The following GYG2 variants were observed in gnomAD, a reference collection of about 807,000 sequenced individuals.
The protein encoded by GYG2 is glycogenin 2, also known as glycogenin-2.
Under a neutral mutation model 29.4 loss-of-function variants are expected in GYG2, and 29 were observed. The ratio of observed to expected loss-of-function variants is 0.99; its 90% confidence interval spans 0.74 to 1.35. The LOEUF is 1.35. Ranked by LOEUF, GYG2 falls within the 40% of genes most tolerant of loss-of-function variation. The pLI, the probability that GYG2 is intolerant of heterozygous loss-of-function variation, is 0.00. For missense variants in GYG2, 370 were observed against 385.7 expected (o/e 0.96, Z 0.34); for synonymous variants, 167 against 172.3 (o/e 0.97, Z 0.24).
chrX:2,853,874 G>A (rs1603459240), intron 3 of GYG2, 106 bp from the exon 4 acceptor site: 1 of 542,439 alleles, frequency 1.8e-6, no homozygotes. Context: ...GATTCTCTTT[G>A]CATTCCACGT....
chrX:2,860,214 TA>T (rs2088126479), intron 7 of GYG2, 149 bp downstream of exon 7: 3 of 437,838 alleles, frequency 6.9e-6, no homozygotes, highest in Non-Finnish European at 7.8e-6. Flanking sequence ...AAGCACCTGT[TA>T]AAAAAATTTT....
rs778297940 is a variant in GYG2 at position 2,859,989 on chromosome X, C to T, written c.761C>T (p.Thr254Met). ...GCGGCATTCCTTCATCTCTGGTGGA[C>T]GGTCTACCAGAACAACGTGCTGCCC... ...HQAAFLHLWW[T>M]VYQNNVLPLY... The change falls in exon 7 of 11, where the codon ACG becomes ATG. Residue 254 changes from threonine (T) to methionine (M), a missense_variant. Thr to Met is a moderately conservative substitution (Grantham distance 81). Transcript: ENST00000398806. 18 of 1,203,855 alleles carry T rather than the reference C, an allele frequency of 1.5e-5. No individual in the cohort carries two copies. The highest frequency in any genetic ancestry group is 1.8e-5 in the Non-Finnish European group (16 of 891,533).
intron 2 of GYG2, among the ~76,000 whole-genome samples, chrX:2,842,265 G>A (rs146666110): frequency 0.018 from 1,969 of 109,711 alleles, 55 homozygotes; most frequent in African/African-American, 0.061. Context: ...TGTGATCATG[G>A]CTCTTTGCAG....
rs1028130788 is a variant in GYG2 at position 2,861,855 on chromosome X, C to T, written c.1038+133C>T. Reference sequence around the variant, plus strand: ...AGGGCTGGTCTTTGGCTTGCTGTGGCATTCAAGGCTCTGCATTTATTTTTG... The same window carrying T: ...AGGGCTGGTCTTTGGCTTGCTGTGGTATTCAAGGCTCTGCATTTATTTTTG... On this transcript the variant is annotated intron_variant, in intron 8 of 10. Coordinates refer to ENST00000398806, the MANE Select transcript of GYG2 (RefSeq NM_001079855.2). 3.6e-5 allele frequency: 18 copies of T among 496,834 alleles called. No homozygotes were observed. In the South Asian group the frequency reaches 4.1e-4, roughly 11 times the overall value. The allele number at this position is 496,834 out of a possible 1,213,427, so 40.9% of individuals were successfully genotyped here. A position where few individuals can be genotyped will look rare whatever the true frequency, so the allele number is the denominator to read the frequency against.
intron 6 of GYG2, 107 bp downstream of exon 6, chrX:2,856,731 A>G (rs1436522415): frequency 1.9e-6 from 1 of 518,735 alleles, no homozygotes; most frequent in Non-Finnish European, 3.1e-6. Context: ...CTATCTATCT[A>G]TCTATCATCT....
intron 6 of GYG2, among the ~76,000 whole-genome samples, chrX:2,858,188 ACAGTGGCTCACGCCTGT>A (rs1376783687): frequency 8.9e-6 from 1 of 112,129 alleles, no homozygotes; most frequent in African/African-American, 3.2e-5. Context: ...ATGGCCGAGC[ACAGTGGCTCACGCCTGT>A]CATTCCAGCC....
intron 6 of GYG2, among the ~76,000 whole-genome samples, chrX:2,859,331 ATAG>A (rs1178097091): frequency 9.0e-6 from 1 of 110,546 alleles, no homozygotes; most frequent in Non-Finnish European, 1.9e-5. Flanking sequence ...TACTGAATTG[ATAG>A]TAGTAGTATG....
intron 9 of GYG2, among the ~76,000 whole-genome samples, chrX:2,876,719 C>T (rs1249501095): frequency 9.1e-6 from 1 of 109,965 alleles, no homozygotes; most frequent in East Asian, 2.9e-4. Context: ...GAGGCCGAGG[C>T]GGGCGGATCA....
In GYG2 at chrX:2,861,538, T is replaced by C. The variant is rs1569068019; in HGVS notation, c.854T>C (p.Val285Ala). Residue 285 changes from valine (V) to alanine (A), a missense_variant, in exon 8 of 11, where the codon GTG becomes GCG. Coordinates refer to ENST00000398806, the MANE Select transcript of GYG2 (RefSeq NM_001079855.2). ...SPGHTLCHSDVGGPCADSASG... is the reference protein window; with the variant it reads ...SPGHTLCHSDAGGPCADSASG... ...TTTGTGCAGCTTTGCCACAGTGATG[T>C]GGGGGGGCCGTGTGCGGATTCAGCC... is the stretch of plus-strand genomic sequence containing the variant. 2 of 1,204,762 alleles carry C rather than the reference T, an allele frequency of 1.7e-6. No individual in the cohort carries two copies. The highest frequency in any genetic ancestry group is 2.2e-6 in the Non-Finnish European group (2 of 890,587).
In GYG2 at chrX:2,859,835, C is replaced by T. The variant is rs369590367; in HGVS notation, c.615-8C>T. 496 of 1,140,306 alleles carry T rather than the reference C, an allele frequency of 4.3e-4. No homozygotes were observed. The highest frequency in any genetic ancestry group is 5.5e-4 in the Non-Finnish European group (462 of 834,700). 94.0% of individuals were successfully genotyped at this position (1,140,306 alleles called of 1,213,427 possible). On this transcript the variant is annotated splice_polypyrimidine_tract_variant and splice_region_variant and intron_variant, in intron 6 of 10. Transcript: ENST00000398806. ...TGGAAATCAGAATCCCTTCTGTTTC[C>T]TTCTCAGATTCGGTTCCAGTGCAAA...
chrX:2,860,195 C>T (rs2088125850), intron 7 of GYG2, 130 bp downstream of exon 7: 1 of 449,785 alleles, frequency 2.2e-6, no homozygotes, highest in East Asian at 3.8e-5. Context: ...GAAAAGAATA[C>T]TGAGAAGCAA....
intron 7 of GYG2, 141 bp from the exon 8 acceptor site, chrX:2,861,381 A>C: frequency 2.0e-6 from 1 of 494,082 alleles, no homozygotes; most frequent in Non-Finnish European, 3.6e-6. Context: ...CTGAGAAAGA[A>C]AACATTTAGG....
chrX:2,857,939 G>A (rs775880190), intron 6 of GYG2, among the ~76,000 whole-genome samples: 1 of 111,339 alleles, frequency 9.0e-6, no homozygotes, highest in South Asian at 3.8e-4. Context: ...ATGTGATAAG[G>A]TAATACCCTG....
intron 3 of GYG2, among the ~76,000 whole-genome samples, chrX:2,846,049 ATATATATTTTTTTTTTTT>A (rs1160861744): frequency 2.7e-4 from 6 of 21,968 alleles, no homozygotes; most frequent in Non-Finnish European, 4.9e-4. Context: ...ATATATATAT[ATATATATTTTTTTTTTTT>A]TTTTTTTTTT....
At chrX:2,877,568 G>A (rs2088631334) in intron 10 of GYG2, 1 of 925,057 alleles carries the variant, frequency 1.1e-6, no homozygotes, top group Non-Finnish European at 1.3e-6. Flanking sequence ...TCTGCAGAAG[G>A]GATCAGGAGG....
chrX:2,840,688 TATAG>T (rs1262217240), intron 2 of GYG2, among the ~76,000 whole-genome samples: 1 of 111,049 alleles, frequency 9.0e-6, no homozygotes, highest in Non-Finnish European at 1.9e-5. Context: ...AGATGGTAGG[TATAG>T]ATAGATGGAT....
intron 2 of GYG2, among the ~76,000 whole-genome samples, chrX:2,841,181 A>G (rs2087489748): frequency 9.1e-6 from 1 of 109,637 alleles, no homozygotes; most frequent in Non-Finnish European, 1.9e-5. Flanking sequence ...TAGACAATGG[A>G]TGGATGGATA....
chrX:2,830,206 C>T lies in GYG2; in HGVS notation c.7+11C>T, dbSNP rs2087232719. 1 of 1,193,836 alleles carries T rather than the reference C, an allele frequency of 8.4e-7. No homozygotes were observed. Among genetic ancestry groups the T allele is most frequent in the Admixed American group, 2.2e-5 (1 of 45,875 alleles). ...CACTGACCATGTCGGGTGAGTAGCT[C>T]AAGCTGCTTCAGTTCAGCCTGCCTG... On this transcript the variant is annotated intron_variant, in intron 2 of 10. Coordinates refer to ENST00000398806, the MANE Select transcript of GYG2 (RefSeq NM_001079855.2).
At chrX:2,862,657 T>C (rs1021324467) in intron 8 of GYG2, among the ~76,000 whole-genome samples, 5 of 111,492 alleles carry the variant, frequency 4.5e-5, no homozygotes, top group Admixed American at 9.6e-5. Context: ...TTTGTCCCCA[T>C]CGAAGAAAAA....
Sources: gnomAD v4.1 joint callset for allele counts (sites outside exome capture counted in the v4.1 genomes callset) on GRCh38, gnomAD v4.1.1 for gene constraint, MANE v1.5 for transcripts, NCBI Gene and HGNC (gene_info 2026-07-23, HGNC 2026-07-21) for gene names.